ABCC1: variants seen among roughly 807,000 people sequenced by gnomAD.
ABCC1 encodes multidrug resistance-associated protein 1.
Under a neutral mutation model 172.9 loss-of-function variants are expected in ABCC1, and 83 were observed. That is an observed-to-expected ratio of 0.48 (90% CI 0.40 to 0.58). The LOEUF (loss-of-function observed/expected upper bound fraction) is 0.58, where lower values mean the gene tolerates loss of function less well. Among genes scored for constraint, ABCC1 ranks in the 20% least tolerant of loss-of-function variants. ABCC1 has a pLI of 0.00. For missense variants in ABCC1, 1,817 were observed against 2,002.7 expected, an observed-to-expected ratio of 0.91 and a Z score of 1.77; for synonymous variants, 937 against 825.2, an observed-to-expected ratio of 1.14 and a Z score of -2.32.
intron 14 of ABCC1, among the ~76,000 whole-genome samples, chr16:16,074,617 C>T (rs1468878622): frequency 1.3e-5 from 2 of 152,152 alleles, no homozygotes; most frequent in Non-Finnish European, 2.9e-5. Flanking sequence ...ATGTTTAGCA[C>T]GCTCTAGCCA....
chr16:16,140,528 C>T (rs773505674), intron 30 of ABCC1, among the ~76,000 whole-genome samples: 1 of 152,078 alleles, frequency 6.6e-6, no homozygotes, highest in Non-Finnish European at 1.5e-5. Context: ...CACTGAGTAC[C>T]ACCTACTAAG....
intron 18 of ABCC1, among the ~76,000 whole-genome samples, chr16:16,088,389 G>C (rs1448595517): frequency 2.6e-5 from 4 of 152,202 alleles, no homozygotes; most frequent in African/African-American, 9.7e-5. Flanking sequence ...AGGTTGCAGT[G>C]AGCTGAGATT....
intron 23 of ABCC1, 98 bp from the exon 24 acceptor site, chr16:16,121,877 G>A: frequency 7.5e-7 from 1 of 1,330,792 alleles, no homozygotes; most frequent in Non-Finnish European, 1.1e-6. Flanking sequence ...CCTCCTGGAG[G>A]TATCGGTTAC....
chr16:16,102,348 ACAGGATGCTGGCT>A (rs2152057342), intron 19 of ABCC1, among the ~76,000 whole-genome samples: 1 of 152,304 alleles, frequency 6.6e-6, no homozygotes, highest in South Asian at 2.1e-4. Context: ...TGCTGCTGGC[ACAGGATGCTGGCT>A]CAGGCCCAGT....
intron 1 of ABCC1, among the ~76,000 whole-genome samples, chr16:15,952,022 G>A (rs1398137023): frequency 6.6e-6 from 1 of 152,160 alleles, no homozygotes; most frequent in Non-Finnish European, 1.5e-5. Flanking sequence ...CGTGTCCGAG[G>A]CCAGGAGCGA....
intron 23 of ABCC1, among the ~76,000 whole-genome samples, chr16:16,118,309 C>T (rs982884939): frequency 6.6e-6 from 1 of 152,100 alleles, no homozygotes; most frequent in African/African-American, 2.4e-5. Context: ...ATCATGTGGC[C>T]CCTGCGCCCC....
intron 1 of ABCC1, among the ~76,000 whole-genome samples, chr16:15,978,429 A>C (rs1419092163): frequency 6.6e-6 from 1 of 152,196 alleles, no homozygotes; most frequent in Non-Finnish European, 1.5e-5. Context: ...TGCTGTATGA[A>C]TGAGGAAAGT....
intron 8 of ABCC1, among the ~76,000 whole-genome samples, chr16:16,045,568 A>G (rs985624548): frequency 2.0e-5 from 3 of 152,062 alleles, no homozygotes; most frequent in Admixed American, 6.6e-5. Flanking sequence ...CGTGTTCCCT[A>G]TGCAATTCCT....
intron 5 of ABCC1, among the ~76,000 whole-genome samples, chr16:16,029,398 T>C (rs2048486695): frequency 6.6e-6 from 1 of 152,054 alleles, no homozygotes; most frequent in Non-Finnish European, 1.5e-5. Context: ...AATTTTTATA[T>C]TTTTTGTAGA....
At chr16:16,013,309 C>A (rs933579595) in intron 3 of ABCC1, among the ~76,000 whole-genome samples, 1 of 149,840 alleles carries the variant, frequency 6.7e-6, no homozygotes, top group Admixed American at 6.7e-5. Flanking sequence ...CTCACTCTGT[C>A]GCCCAGGCTG....
chr16:15,977,629 C>T (rs1162117540), intron 1 of ABCC1, among the ~76,000 whole-genome samples: 4 of 152,054 alleles, frequency 2.6e-5, no homozygotes, highest in Non-Finnish European at 5.9e-5. Context: ...AGCACCTTGG[C>T]CCTTCGAGAT....
intron 16 of ABCC1, among the ~76,000 whole-genome samples, chr16:16,080,526 C>T (rs183869350): frequency 1.3e-5 from 2 of 152,268 alleles, no homozygotes; most frequent in Non-Finnish European, 2.9e-5. Flanking sequence ...CCCATGAAGG[C>T]CTTTTCCTAG....
At chr16:15,966,693 C>T (rs1236604501) in intron 1 of ABCC1, among the ~76,000 whole-genome samples, 2 of 151,316 alleles carry the variant, frequency 1.3e-5, no homozygotes, top group Non-Finnish European at 2.9e-5. Flanking sequence ...CTCTGTTGCC[C>T]AGGCTGGAGT....
intron 1 of ABCC1, among the ~76,000 whole-genome samples, chr16:15,966,722 C>T (rs1356888833): frequency 2.0e-5 from 3 of 150,700 alleles, no homozygotes; most frequent in African/African-American, 2.4e-5. Flanking sequence ...ATGATCATGG[C>T]TCACTGCAGC....
chr16:15,950,510 C>G (rs1369720405), intron 1 of ABCC1, among the ~76,000 whole-genome samples: 1 of 152,112 alleles, frequency 6.6e-6, no homozygotes, highest in African/African-American at 2.4e-5. Flanking sequence ...CCCTTCCCTG[C>G]AACACGTGGA....
intron 7 of ABCC1, among the ~76,000 whole-genome samples, chr16:16,038,281 C>G (rs1051134702): frequency 6.6e-6 from 1 of 152,148 alleles, no homozygotes; most frequent in South Asian, 2.1e-4. Flanking sequence ...AGGTCATCTG[C>G]AACCTGGAGA....
chr16:16,045,738 T>C, intron 8 of ABCC1, 98 bp from the exon 9 acceptor site: 18 of 1,212,390 alleles, frequency 1.5e-5, no homozygotes, highest in Non-Finnish European at 2.1e-5. Context: ...GTCTAGCTCA[T>C]CTGGCTCAGG....
chr16:16,112,377 A>AC (rs1009017145), intron 22 of ABCC1, among the ~76,000 whole-genome samples: 56 of 146,498 alleles, frequency 3.8e-4, no homozygotes, highest in Admixed American at 2.9e-3. Flanking sequence ...AAATAAACAA[A>AC]AAAAAAAAAA....
At chr16:15,966,409 T>TAAAA (rs34914361) in intron 1 of ABCC1, among the ~76,000 whole-genome samples, 5 of 138,896 alleles carry the variant, frequency 3.6e-5, no homozygotes, top group Non-Finnish European at 7.7e-5. Flanking sequence ...GACTTTATCT[T>TAAAA]AAAAAAAAAA....
Sources: allele counts gnomAD v4.1 joint callset (sites outside exome capture counted in the v4.1 genomes callset), GRCh38; gene constraint gnomAD v4.1.1; transcripts MANE v1.5; gene names NCBI Gene and HGNC (gene_info 2026-07-23, HGNC 2026-07-21).